The following MYO15B variants were observed in gnomAD, a reference collection of about 807,000 sequenced individuals.
MYO15B encodes myosin XVB pseudogene.
MYO15B carries 207 observed loss-of-function variants against 119.3 expected under a neutral mutation model. That is an observed-to-expected ratio of 1.73 (90% CI 1.55 to 1.95). The LOEUF (loss-of-function observed/expected upper bound fraction) is 1.95, where lower values mean the gene tolerates loss of function less well. Ranked by LOEUF, MYO15B falls within the 30% of genes most tolerant of loss-of-function variation. MYO15B has a pLI of 0.00. For synonymous variants in MYO15B, 966 were observed against 498.9 expected (o/e 1.94, Z -12.48); for missense variants, 2,264 against 1,203.1 (o/e 1.88, Z -13.04).
intron 15 of MYO15B, among the ~76,000 whole-genome samples, chr17:75,602,134 G>A (rs1420015020): frequency 6.6e-6 from 1 of 152,172 alleles, no homozygotes; most frequent in Non-Finnish European, 1.5e-5. Flanking sequence ...ACTTTGCTTG[G>A]AGAAGAAAAA....
intron 15 of MYO15B, among the ~76,000 whole-genome samples, 152 bp downstream of exon 15, chr17:75,601,715 T>A (rs2057297874): frequency 6.6e-6 from 1 of 152,224 alleles, no homozygotes; most frequent in Non-Finnish European, 1.5e-5. Context: ...CCCTGCCCAG[T>A]TCTGAGCACG....
rs1450579983 is a variant in MYO15B, at chr17:75,589,292, A to G, written c.1235A>G (p.Asp412Gly). 5.7e-5 allele frequency: 22 copies of G among 389,152 alleles called. No individual in the cohort carries two copies. The highest frequency in any genetic ancestry group is 8.1e-5 in the Non-Finnish European group (18 of 221,948). The allele number at this position is 389,152 out of a possible 1,614,324, so 24.1% of individuals were successfully genotyped here. A position where few individuals can be genotyped will look rare whatever the true frequency, so the allele number is the denominator to read the frequency against. ...GAGGGGTGGGGCCGCCGGAAACCGG[A>G]CGAGGGGCGGGGTCATGGGAGAGGA... The change falls in exon 1 of 64, where the codon GAC (aspartate) becomes GGC (glycine). Residue 412 changes from aspartate to glycine, a missense_variant. Physicochemically the swap from Asp to Gly is moderately conservative, Grantham distance 94. Transcript: ENST00000645453. The surrounding 1 kb of genome is among the most constrained non-coding windows in gnomAD (Gnocchi z 4.2).
exon 18 of MYO15B, chr17:75,603,062 C>G: frequency 1.4e-6 from 1 of 703,360 alleles, no homozygotes; most frequent in Non-Finnish European, 2.6e-6. Context: ...AGTGCCTCAC[C>G]CCTAACCCTG....
At chr17:75,591,437 TC>T (rs373911104) in intron 4 of MYO15B, 163 bp from the exon 5 acceptor site, 31 of 615,114 alleles carry the variant, frequency 5.0e-5, no homozygotes, top group Admixed American at 3.5e-4. Context: ...GGGGACTTTT[TC>T]TTTTCTGTCG....
At chr17:75,590,384 A>T in intron 1 of MYO15B, 141 bp downstream of exon 1, 1 of 398,136 alleles carries the variant, frequency 2.5e-6, no homozygotes, top group Non-Finnish European at 4.4e-6. Context: ...AGGAAGGGGC[A>T]GGTAAGGGGC....
At chr17:75,591,065 A>G (rs2056410996) in intron 3 of MYO15B, 49 bp downstream of exon 3, 1 of 678,070 alleles carries the variant, frequency 1.5e-6, no homozygotes, top group Admixed American at 2.1e-5. Flanking sequence ...CAGGCAGCCC[A>G]GTCCCTGCAT....
In MYO15B at chr17:75,591,552, G is replaced by A. The variant is rs115550033; in HGVS notation, c.2436-49G>A. On this transcript the variant is annotated intron_variant, in intron 4 of 63. Transcript: ENST00000645453. ...TCCCACTTCCTGGGTTCACTGGGGT[G>A]GTCCTATGTGCCCCTCCCTGGAGAC... is the stretch of plus-strand genomic sequence containing the variant. 599 of 701,970 alleles carry A rather than the reference G, an allele frequency of 8.5e-4. 4 individuals are homozygous for A. In the African/African-American group the frequency reaches 9.2e-3, roughly 11 times the overall value. The allele number at this position is 701,970 out of a possible 1,614,324, so 43.5% of individuals were successfully genotyped here.
At chr17:75,608,298 T>C (rs1186135273) in intron 21 of MYO15B, among the ~76,000 whole-genome samples, 1 of 151,854 alleles carries the variant, frequency 6.6e-6, no homozygotes, top group Non-Finnish European at 1.5e-5. Context: ...TTTGTGTTTT[T>C]AGTGGAGATG....
rs181155839 is a variant in MYO15B, at chr17:75,602,680, G to C, written c.3729+86G>C. The C allele has an allele frequency of 1.2e-3, 743 of 610,430 alleles. 3 individuals carry two copies. In the Middle Eastern group the frequency reaches 0.023, roughly 19 times the overall value. 37.8% of individuals were successfully genotyped at this position (610,430 alleles called of 1,614,324 possible). A position where few individuals can be genotyped will look rare whatever the true frequency, so the allele number is the denominator to read the frequency against. Reference sequence around the variant, plus strand: ...TTTCCCCCTGGGCGCTCTTGCCCAAGGGTTGGCCCTCAAGTCCCTGGCACC... The same window carrying C: ...TTTCCCCCTGGGCGCTCTTGCCCAACGGTTGGCCCTCAAGTCCCTGGCACC... On this transcript the variant is annotated intron_variant, in intron 16 of 63. Transcript: ENST00000645453.
chr17:75,591,546 TG>T (rs1450001586), intron 4 of MYO15B, 54 bp from the exon 5 acceptor site: 4 of 701,244 alleles, frequency 5.7e-6, no homozygotes, highest in Non-Finnish European at 7.8e-6. Context: ...CTGGGTTCAC[TG>T]GGGTGGTCCT....
intron 1 of MYO15B, 90 bp downstream of exon 1, chr17:75,590,333 C>CT (rs2056355566): frequency 2.5e-6 from 1 of 398,618 alleles, no homozygotes; most frequent in Admixed American, 4.4e-5. Flanking sequence ...CGTGTAGACC[C>CT]TTATTGAATC....
chr17:75,618,186 G>C lies in MYO15B; in HGVS notation c.6987+1G>C, dbSNP rs775992864. On this transcript the variant is annotated splice_donor_variant, in intron 43 of 63. Coordinates refer to ENST00000645453, the Ensembl canonical transcript of MYO15B. LOFTEE classifies it high-confidence loss of function. ...CTACCTGAGGCTCCTCTGTGAGCAG[G>C]TGAGAGCTGGCCCACCTGCCAGCCT... 5 of 703,116 alleles carry C rather than the reference G, an allele frequency of 7.1e-6. No individual in the cohort carries two copies. The highest frequency in any genetic ancestry group is 1.3e-5 in the Non-Finnish European group (5 of 385,034). 43.6% of individuals were successfully genotyped at this position (703,116 alleles called of 1,614,324 possible).
chr17:75,597,598 C>A (rs996071360), intron 14 of MYO15B, among the ~76,000 whole-genome samples: 2 of 152,170 alleles, frequency 1.3e-5, no homozygotes, highest in African/African-American at 4.8e-5. Context: ...TCTTACAGCC[C>A]GCAGTGCAGC....
chr17:75,617,204 G>T (rs2058427627), exon 41 of MYO15B: 3 of 697,956 alleles, frequency 4.3e-6, no homozygotes, highest in Non-Finnish European at 7.8e-6. Flanking sequence ...TTCTGGACCT[G>T]TTTGGCCAGA....
Position 75,623,999 on chromosome 17 carries a change from T to TC in MYO15B, c.8213dup (p.Ser2739ValfsTer46), listed in dbSNP as rs970278507. On this transcript the variant is annotated frameshift_variant, in exon 55 of 64. Transcript: ENST00000645453. LOFTEE classifies it high-confidence loss of function. ...TTCCTCAGCCTTCTCACAGGCTTCT[T>TC]CCCCCCGTCGACCAGGCTGATGCCC... The TC allele has an allele frequency of 2.8e-6, 2 of 702,822 alleles. No individual in the cohort carries two copies. The highest frequency in any genetic ancestry group is 1.5e-5 in the South Asian group (1 of 67,592). 43.5% of individuals were successfully genotyped at this position (702,822 alleles called of 1,614,324 possible).
Position 75,624,560 on chromosome 17 carries a change from G to A in MYO15B, c.8463G>A (p.Gln2821=), listed in dbSNP as rs753134593. 8.5e-6 allele frequency: 6 copies of A among 703,088 alleles called. No individual in the cohort carries two copies. The South Asian group carries it at 8.9e-5, about 10-fold the overall frequency. 43.6% of individuals were successfully genotyped at this position (703,088 alleles called of 1,614,324 possible). A position where few individuals can be genotyped will look rare whatever the true frequency, so the allele number is the denominator to read the frequency against. ...ATGCCCAGGTAGCAGCAGAAGTGCA[G>A]GAGGAGCTGTGCCGGCAAATGGGTA... The change falls in exon 58 of 64, where the codon CAG becomes CAA. Residue 2821 remains glutamine, a synonymous_variant. Coordinates refer to ENST00000645453, the Ensembl canonical transcript of MYO15B.
intron 63 of MYO15B, 49 bp downstream of exon 63, chr17:75,626,277 T>C: frequency 1.4e-6 from 1 of 699,932 alleles, no homozygotes; most frequent in South Asian, 1.5e-5. Context: ...TGTGAGGGCC[T>C]TGCCCCAGCA....
exon 8 of MYO15B, chr17:75,592,537 A>T (rs543627038): frequency 3.3e-6 from 2 of 607,702 alleles, no homozygotes; most frequent in African/African-American, 1.8e-5. Context: ...TACTACCTCA[A>T]CCAGGTCGGG....
chr17:75,626,657 A>C (rs984148228), exon 64 of MYO15B, among the ~76,000 whole-genome samples: 1 of 152,260 alleles, frequency 6.6e-6, no homozygotes, highest in African/African-American at 2.4e-5. Flanking sequence ...ACCAGCAGGC[A>C]AAGAAAACAG....
Sources: gnomAD v4.1 joint callset for allele counts (sites outside exome capture counted in the v4.1 genomes callset) on GRCh38, gnomAD v4.1.1 for gene constraint, Gnocchi (gnomAD v3.1) non-coding constraint, MANE v1.5 for transcripts, NCBI Gene and HGNC (gene_info 2026-07-23, HGNC 2026-07-21) for gene names.